PPP1R9A: variants seen among roughly 807,000 people sequenced by gnomAD.
PPP1R9A encodes neurabin-1.
A neutral mutation model predicts 141.9 loss-of-function variants in PPP1R9A; 59 were observed. The observed-to-expected ratio is 0.42, with a 90% CI of 0.34 to 0.52. The LOEUF (loss-of-function observed/expected upper bound fraction) is 0.52, where lower values mean the gene tolerates loss of function less well. Among genes scored for constraint, PPP1R9A ranks in the 20% least tolerant of loss-of-function variants. PPP1R9A has a pLI of 0.10. For synonymous variants in PPP1R9A, 500 were observed against 569.7 expected (o/e 0.88, Z 1.74); for missense variants, 1,444 against 1,611.9 (o/e 0.90, Z 1.78).
intron 2 of PPP1R9A, among the ~76,000 whole-genome samples, chr7:94,913,169 C>T (rs1190523738): frequency 2.0e-5 from 3 of 152,126 alleles, no homozygotes; most frequent in Non-Finnish European, 4.4e-5. Context: ...GACCACTACC[C>T]AGTCAACCAA....
intron 2 of PPP1R9A, chr7:95,035,640 A>G (rs1254108752): frequency 1.3e-5 from 2 of 152,184 alleles, no homozygotes; most frequent in Non-Finnish European, 2.9e-5. Flanking sequence ...TATTAGATTT[A>G]TTTCTGTTTG....
In PPP1R9A at chr7:95,291,381, A is replaced by C. The variant is rs1806335892; in HGVS notation, c.*1078A>C. On this transcript the variant is annotated 3_prime_UTR_variant, in exon 20 of 20. Coordinates refer to ENST00000433360, the MANE Select transcript of PPP1R9A (RefSeq NM_001166160.2). ...AAAAATAGAAATACCAGTTAGAGGAAACTGTCAGTTAACATTTTAGAGAGA... is the reference window on the plus strand; with the variant it reads ...AAAAATAGAAATACCAGTTAGAGGACACTGTCAGTTAACATTTTAGAGAGA... 1 of 152,208 alleles carries C rather than the reference A, an allele frequency of 6.6e-6. No homozygotes were observed. Among genetic ancestry groups the C allele is most frequent in the Admixed American group, 6.5e-5 (1 of 15,284 alleles). 9.4% of individuals were successfully genotyped at this position (152,208 alleles called of 1,614,324 possible).
intron 5 of PPP1R9A, among the ~76,000 whole-genome samples, chr7:95,193,839 C>T (rs1835860486): frequency 6.6e-6 from 1 of 151,994 alleles, no homozygotes; most frequent in South Asian, 2.1e-4. Context: ...ATTTTTCTTT[C>T]TCCCCGAATT....
chr7:95,045,491 C>T (rs1384915930), intron 2 of PPP1R9A, among the ~76,000 whole-genome samples: 2 of 152,216 alleles, frequency 1.3e-5, no homozygotes, highest in Non-Finnish European at 2.9e-5. Context: ...CACATGCTCA[C>T]TTGAGGCTTT....
At chr7:95,238,375 C>T (rs1484079801) in intron 8 of PPP1R9A, among the ~76,000 whole-genome samples, 1 of 152,110 alleles carries the variant, frequency 6.6e-6, no homozygotes, top group Non-Finnish European at 1.5e-5. Flanking sequence ...GAGGTCTAAG[C>T]TTCAGGGCCT....
At chr7:95,009,042 A>G (rs1319799759) in intron 2 of PPP1R9A, among the ~76,000 whole-genome samples, 2 of 152,150 alleles carry the variant, frequency 1.3e-5, no homozygotes, top group Admixed American at 6.6e-5. Context: ...TCAGCAAACT[A>G]TCGCAAGGAC....
chr7:95,092,455 G>A (rs1249386991), intron 2 of PPP1R9A, among the ~76,000 whole-genome samples: 1 of 151,900 alleles, frequency 6.6e-6, no homozygotes, highest in African/African-American at 2.4e-5. Flanking sequence ...TACAGTGGAA[G>A]CCAGCAGGGT....
At position 94,992,662 on chromosome 7, in the gene PPP1R9A, T is replaced by G. The variant is rs553557303; in HGVS notation, c.1395+81154T>G. Reference sequence around the variant, plus strand: ...GGGCAGTCTTTTTAAATTTTAGCCATTGTAATAGATATGTAGTAGAATGTT... The same window carrying G: ...GGGCAGTCTTTTTAAATTTTAGCCAGTGTAATAGATATGTAGTAGAATGTT... On this transcript the variant is annotated intron_variant, in intron 2 of 19. Transcript: ENST00000433360. 7.9e-5 allele frequency among the ~76,000 whole-genome samples: 12 copies of G among 152,314 alleles called. No homozygotes were observed. The South Asian group carries it at 2.1e-3, about 26-fold the overall frequency.
At chr7:95,266,328 C>T (rs1489320678) in intron 12 of PPP1R9A, among the ~76,000 whole-genome samples, 1 of 130,242 alleles carries the variant, frequency 7.7e-6, no homozygotes, top group East Asian at 2.3e-4. Context: ...AACATGTCAT[C>T]CTTTTTTTTT....
chr7:95,137,420 A>AAAAAAAAAAAAAAAAAAAG (rs1825866044), intron 4 of PPP1R9A, among the ~76,000 whole-genome samples: 1 of 65,238 alleles, frequency 1.5e-5, no homozygotes, highest in African/African-American at 4.1e-5. Context: ...GAACTCAAAA[A>AAAAAAAAAAAAAAAAAAAG]AAAAAAAAAA....
chr7:95,237,517 A>C (rs1796878100), intron 8 of PPP1R9A, among the ~76,000 whole-genome samples: 1 of 152,002 alleles, frequency 6.6e-6, no homozygotes, highest in Non-Finnish European at 1.5e-5. Flanking sequence ...TATATAAATA[A>C]GATTAATAAT....
intron 4 of PPP1R9A, among the ~76,000 whole-genome samples, chr7:95,133,513 T>TTATATATATATA (rs10570222): frequency 0.011 from 1,494 of 132,488 alleles, 18 homozygotes; most frequent in Non-Finnish European, 0.016. Context: ...TGCAGTCGTA[T>TTATATATATATA]TATATATATA....
At chr7:95,003,701 A>G (rs1803240677) in intron 2 of PPP1R9A, among the ~76,000 whole-genome samples, 1 of 152,130 alleles carries the variant, frequency 6.6e-6, no homozygotes, top group East Asian at 1.9e-4. Context: ...AGCTTCTTAA[A>G]ATTACCAGTG....
At chr7:94,943,283 A>C (rs943075841) in intron 2 of PPP1R9A, among the ~76,000 whole-genome samples, 1 of 152,224 alleles carries the variant, frequency 6.6e-6, no homozygotes, top group African/African-American at 2.4e-5. Flanking sequence ...TTCTGTCATT[A>C]TTAAAGCTGA....
intron 2 of PPP1R9A, among the ~76,000 whole-genome samples, chr7:95,092,192 T>G (rs1817446466): frequency 6.6e-6 from 1 of 152,146 alleles, no homozygotes. Flanking sequence ...CACCCAATAG[T>G]CACTGTTAAA....
intron 7 of PPP1R9A, among the ~76,000 whole-genome samples, chr7:95,208,968 A>AC (rs1554562130): frequency 2.2e-4 from 33 of 148,474 alleles, no homozygotes; most frequent in African/African-American, 7.9e-4. Context: ...AAAAAAAAAA[A>AC]AAAAAAAAAA....
intron 4 of PPP1R9A, among the ~76,000 whole-genome samples, chr7:95,161,318 T>C (rs899255737): frequency 6.6e-6 from 1 of 152,208 alleles, no homozygotes; most frequent in Admixed American, 6.5e-5. Flanking sequence ...CATTTGTATG[T>C]CTTCTTTTGG....
chr7:95,137,679 GGTTTTTT>G (rs780001226), intron 4 of PPP1R9A, among the ~76,000 whole-genome samples: 1 of 152,030 alleles, frequency 6.6e-6, no homozygotes, highest in African/African-American at 2.4e-5. Flanking sequence ...AACTCTAGCA[GGTTTTTT>G]GTTGTTCTTG....
intron 9 of PPP1R9A, among the ~76,000 whole-genome samples, chr7:95,248,650 G>A (rs995166127): frequency 6.6e-6 from 1 of 151,998 alleles, no homozygotes; most frequent in African/African-American, 2.4e-5. Context: ...TTTTCCCTGT[G>A]ATTGTGTTTT....
Sources: allele counts gnomAD v4.1 joint callset (sites outside exome capture counted in the v4.1 genomes callset), GRCh38; gene constraint gnomAD v4.1.1; transcripts MANE v1.5; gene names NCBI Gene and HGNC (gene_info 2026-07-23, HGNC 2026-07-21).